The following PLRG1 variants were observed in gnomAD, a reference collection of about 807,000 sequenced individuals.
The protein encoded by PLRG1 is pleiotropic regulator 1, also known as pleiotropic regulator 1 (PRL1 homolog, Arabidopsis).
Under a neutral mutation model 74.9 loss-of-function variants are expected in PLRG1, and 28 were observed. That is an observed-to-expected ratio of 0.37 (90% CI 0.28 to 0.51). The LOEUF (loss-of-function observed/expected upper bound fraction) is 0.51, where lower values mean the gene tolerates loss of function less well. Among genes scored for constraint, PLRG1 ranks in the 20% least tolerant of loss-of-function variants. The probability of loss-of-function intolerance (pLI) is 0.91; values close to 1 mark genes in which losing one functional copy is unlikely to be tolerated. For synonymous variants in PLRG1, 197 were observed against 212.4 expected (o/e 0.93, Z 0.63); for missense variants, 445 against 631.9 (o/e 0.70, Z 3.17).
chr4:154,547,386 T>G (rs1578771869), intron 3 of PLRG1: 1 of 501,970 alleles, frequency 2.0e-6, no homozygotes, highest in East Asian at 3.6e-5. Context: ...GTATTTAATT[T>G]CATCTTTCTG....
chr4:154,540,068 T>C lies in PLRG1; in HGVS notation c.940-15A>G, dbSNP rs751877634. The C allele has an allele frequency of 3.1e-6, 4 of 1,272,740 alleles. No individual in the cohort carries two copies. In the African/African-American group the frequency reaches 4.4e-5, roughly 14 times the overall value. 78.8% of individuals were successfully genotyped at this position (1,272,740 alleles called of 1,614,324 possible). ...ACATCCCAAATCTATAAAAACACAA[T>C]AGACATATTAGGAAAGAGAATAGGT... is the stretch of plus-strand genomic sequence containing the variant. On this transcript the variant is annotated splice_polypyrimidine_tract_variant and intron_variant, in intron 10 of 14. Transcript: ENST00000499023.
chr4:154,546,765 C>G (rs573152232), intron 4 of PLRG1: 2 of 521,094 alleles, frequency 3.8e-6, no homozygotes, highest in South Asian at 5.2e-5. Context: ...TAATAAATAA[C>G]TAGGCCTGCA....
In PLRG1 at chr4:154,536,592, G is replaced by C. The variant is rs748055769; in HGVS notation, c.*93C>G. On this transcript the variant is annotated 3_prime_UTR_variant, in exon 15 of 15. Transcript: ENST00000499023. ...AATTTCTCCTTTATATTCCCAGCCA[G>C]AGCACAAAATGACTGGATATCCTCA... is the stretch of plus-strand genomic sequence containing the variant. The C allele has an allele frequency of 1.2e-4, 83 of 691,802 alleles. No homozygotes were observed. Among genetic ancestry groups the C allele is most frequent in the Non-Finnish European group, 1.9e-4 (75 of 393,844 alleles). The allele number at this position is 691,802 out of a possible 1,614,324, so 42.9% of individuals were successfully genotyped here.
rs747392378 is a variant in PLRG1, at chr4:154,536,641, T to C, written c.*44A>G. On this transcript the variant is annotated 3_prime_UTR_variant, in exon 15 of 15. Transcript: ENST00000499023. The stretch of plus-strand genomic sequence containing the variant: ...CATGAACGCCAAGCTTTTTTTTTTT[T>C]AATTAAAAAGAAAAAAAAAGAGAGA... 7 of 1,028,222 alleles carry C rather than the reference T, an allele frequency of 6.8e-6. No individual in the cohort carries two copies. The highest frequency in any genetic ancestry group is 1.0e-5 in the Non-Finnish European group (7 of 678,386). 63.7% of individuals were successfully genotyped at this position (1,028,222 alleles called of 1,614,324 possible).
intron 14 of PLRG1, 93 bp downstream of exon 14, chr4:154,537,193 T>C: frequency 1.4e-6 from 1 of 734,718 alleles, no homozygotes; most frequent in Non-Finnish European, 2.2e-6. Context: ...TTAAATACTA[T>C]AAAGATTATT....
intron 7 of PLRG1, 56 bp from the exon 8 acceptor site, chr4:154,542,335 G>T: frequency 9.5e-7 from 1 of 1,056,516 alleles, no homozygotes; most frequent in Non-Finnish European, 1.5e-6. Flanking sequence ...ATGTATTTAA[G>T]TTTAACTGCA....
intron 14 of PLRG1, 55 bp downstream of exon 14, chr4:154,537,231 T>C: frequency 9.0e-7 from 1 of 1,108,812 alleles, no homozygotes; most frequent in East Asian, 2.4e-5. Flanking sequence ...AATGAGAATA[T>C]GCTGCCAAAT....
At position 154,545,838 on chromosome 4, in the gene PLRG1, A is replaced by C. The variant is rs1327730725; in HGVS notation, c.490T>G (p.Ser164Ala). 6.3e-7 allele frequency: 1 copy of C among 1,589,264 alleles called. No homozygotes were observed. Among genetic ancestry groups the C allele is most frequent in the Non-Finnish European group, 8.6e-7 (1 of 1,161,566 alleles). The change falls in exon 6 of 15, where the codon TCA (serine) becomes GCA (alanine). Residue 164 changes from serine (S) to alanine (A), a missense_variant and splice_region_variant. Coordinates refer to ENST00000499023, the MANE Select transcript of PLRG1 (RefSeq NM_002669.4). Reference protein sequence around the residue: ...SDRPQPTAMNSIVMETGNTKN... With the variant: ...SDRPQPTAMNAIVMETGNTKN... ...CTATTTGATGCAGAAAAACTTACTGAATTCATCGCTGTAGGCTGTGGACGG... is the reference window on the plus strand; with the variant it reads ...CTATTTGATGCAGAAAAACTTACTGCATTCATCGCTGTAGGCTGTGGACGG...
intron 13 of PLRG1, 70 bp downstream of exon 13, chr4:154,537,899 C>A: frequency 1.1e-6 from 1 of 894,462 alleles, no homozygotes; most frequent in Non-Finnish European, 1.7e-6. Flanking sequence ...AGAAGCATTA[C>A]AAATGTTTAT....
Position 154,540,044 on chromosome 4 carries a change from C to T in PLRG1, c.949G>A (p.Val317Met). ...GTGTGTACACTGGCTTTAGTTCTCA[C>T]ATCCCAAATCTATAAAAACACAATA... The part of the protein sequence containing the change: ...SRDSTARIWD[V>M]RTKASVHTLS... Residue 317 changes from valine (V) to methionine (M), a missense_variant, in exon 11 of 15, where the codon GTG (valine) becomes ATG (methionine). Val to Met is a conservative substitution (Grantham distance 21). Coordinates refer to ENST00000499023, the MANE Select transcript of PLRG1 (RefSeq NM_002669.4). 1 of 1,536,510 alleles carries T rather than the reference C, an allele frequency of 6.5e-7. No individual in the cohort carries two copies.
chr4:154,545,659 A>G (rs1729637598), intron 6 of PLRG1, among the ~76,000 whole-genome samples, 177 bp downstream of exon 6: 1 of 152,252 alleles, frequency 6.6e-6, no homozygotes, highest in South Asian at 2.1e-4. Context: ...CAAGTAGACA[A>G]ATAACAGAAT....
intron 7 of PLRG1, among the ~76,000 whole-genome samples, chr4:154,543,297 T>A (rs11932760): frequency 6.6e-6 from 1 of 151,866 alleles, no homozygotes; most frequent in South Asian, 2.1e-4. Context: ...ACAGGTGTGC[T>A]CCACTACACA....
chr4:154,540,632 C>T lies in PLRG1; in HGVS notation c.901G>A (p.Asp301Asn), dbSNP rs1280751067. Residue 301 changes from aspartate (D) to asparagine (N), a missense_variant, in exon 10 of 15, where the codon GAT becomes AAT. Around this residue, in one of 3 missense-constraint regions of PLRG1, gnomAD observed 221 missense variants for 377.7 expected, o/e 0.59. Transcript: ENST00000499023. ...VYGLDLHPTI[D>N]VLVTCSRDST... ...TCTCGACTACAGGTTACCAACACAT[C>T]GATTGTCGGGTGCAAATCCAAACCA... The T allele has an allele frequency of 5.6e-6, 9 of 1,613,314 alleles. No homozygotes were observed. The highest frequency in any genetic ancestry group is 2.2e-5 in the East Asian group (1 of 44,888).
In PLRG1 at chr4:154,544,491, G is replaced by A. The variant is rs951108406; in HGVS notation, c.548C>T (p.Pro183Leu). ...KNSALMAKKA[P>L]TMPKPQWHPP... is the part of the protein sequence containing the mutation. ...GTGCCACTGGGGTTTTGGCATTGTA[G>A]GGGCTTTTTTAGCCATCAGTGCAGA... The change falls in exon 7 of 15, where the codon CCT (proline) becomes CTT (leucine). Residue 183 changes from proline (P) to leucine (L), a missense_variant. Physicochemically the swap from Pro to Leu is moderately conservative, Grantham distance 98. This residue lies in a region of PLRG1 where 206 missense variants were observed against 210.8 expected (regional missense o/e 0.98). Coordinates refer to ENST00000499023, the MANE Select transcript of PLRG1 (RefSeq NM_002669.4). The A allele has an allele frequency of 6.2e-7, 1 of 1,613,060 alleles. No homozygotes were observed. Among genetic ancestry groups the A allele is most frequent in the Admixed American group, 1.7e-5 (1 of 59,990 alleles).
intron 4 of PLRG1, chr4:154,546,718 G>A: frequency 4.6e-6 from 2 of 433,200 alleles, no homozygotes; most frequent in Non-Finnish European, 8.4e-6. Flanking sequence ...ATTTTTACAA[G>A]CTTAGTGATA....
intron 3 of PLRG1, 46 bp from the exon 4 acceptor site, chr4:154,547,110 C>A: frequency 1.6e-6 from 2 of 1,285,146 alleles, no homozygotes; most frequent in Non-Finnish European, 2.3e-6. Flanking sequence ...TTACCTTATA[C>A]AAAAGTTATC....
In PLRG1 at chr4:154,547,810, G is replaced by C; in HGVS notation, c.160C>G (p.Pro54Ala). ...MAIKLRNEYG[P>A]VLHMPTSKEN... ...TTTGAAGTAGGCATATGCAACACAG[G>C]ACCATACTCATTACGAAGCTTGATT... Residue 54 changes from proline to alanine, a missense_variant, in exon 3 of 15, where the codon CCT (proline) becomes GCT (alanine). Physicochemically the swap from Pro to Ala is conservative, Grantham distance 27. Transcript: ENST00000499023. 6.2e-7 allele frequency: 1 copy of C among 1,611,134 alleles called. No individual in the cohort carries two copies. The highest frequency in any genetic ancestry group is 8.5e-7 in the Non-Finnish European group (1 of 1,178,226).
chr4:154,535,695 A>T lies in PLRG1; in HGVS notation c.*990T>A, dbSNP rs927796026. ...ATTTATAAAACTTGTATTTACCAAA[A>T]AGAGGCATCAGTATTAGAAACTTTA... On this transcript the variant is annotated 3_prime_UTR_variant, in exon 15 of 15. Coordinates refer to ENST00000499023, the MANE Select transcript of PLRG1 (RefSeq NM_002669.4). 1 of 152,080 alleles carries T rather than the reference A, an allele frequency of 6.6e-6. No homozygotes were observed. The highest frequency in any genetic ancestry group is 2.4e-5 in the African/African-American group (1 of 41,414). 9.4% of individuals were successfully genotyped at this position (152,080 alleles called of 1,614,324 possible).
chr4:154,549,025 A>G (rs757798004), intron 1 of PLRG1, 90 bp from the exon 2 acceptor site: 1 of 782,886 alleles, frequency 1.3e-6, no homozygotes, highest in Non-Finnish European at 2.2e-6. Context: ...CACGTGTTTA[A>G]ATATGTAAAA....
Sources: allele counts gnomAD v4.1 joint callset (sites outside exome capture counted in the v4.1 genomes callset), GRCh38; gene constraint gnomAD v4.1.1; regional missense constraint gnomAD v4.1.1; transcripts MANE v1.5; gene names NCBI Gene and HGNC (gene_info 2026-07-23, HGNC 2026-07-21).